KAZN: variants seen among roughly 807,000 people sequenced by gnomAD.
KAZN encodes kazrin.
A neutral mutation model predicts 87.4 loss-of-function variants in KAZN; 40 were observed. The observed-to-expected ratio is 0.46, with a 90% CI of 0.36 to 0.60. KAZN has a LOEUF of 0.60. Ranked by LOEUF, KAZN falls within the 20% of genes least tolerant of loss-of-function variation. The probability of loss-of-function intolerance (pLI) is 0.00; values close to 1 mark genes in which losing one functional copy is unlikely to be tolerated. For missense variants in KAZN, 898 were observed against 1,073.9 expected (o/e 0.84, Z 2.29); for synonymous variants, 466 against 458.3 (o/e 1.02, Z -0.22).
intron 1 of KAZN, among the ~76,000 whole-genome samples, chr1:13,906,929 G>T (rs1317480462): frequency 6.6e-6 from 1 of 152,208 alleles, no homozygotes; most frequent in Non-Finnish European, 1.5e-5. Context: ...TGTCATGCTT[G>T]TTGGGATTCT....
At chr1:14,603,978 G>A (rs2148605876) in intron 1 of KAZN, among the ~76,000 whole-genome samples, 1 of 152,206 alleles carries the variant, frequency 6.6e-6, no homozygotes, top group Non-Finnish European at 1.5e-5. Context: ...TCATTCCTGG[G>A]CTATGTAGGT....
At position 14,502,469 on chromosome 1, in the gene KAZN, G is replaced by A. The variant is rs551188619; in HGVS notation, c.250-96514G>A. On this transcript the variant is annotated intron_variant, in intron 2 of 16. Coordinates refer to the KAZN transcript ENST00000636203. ...ATTCTCAATTTCTGGGTTTTTTTAG[G>A]TCATCTCTTGCAGGGTAAGGGCAGG... is the stretch of plus-strand genomic sequence containing the variant. Among the ~76,000 whole-genome samples, 26 of 152,180 alleles carry A rather than the reference G, an allele frequency of 1.7e-4. No homozygotes were observed. The South Asian group carries it at 5.2e-3, about 30-fold the overall frequency.
chr1:14,850,852 A>C (rs1649348745), intron 1 of KAZN, among the ~76,000 whole-genome samples: 1 of 152,164 alleles, frequency 6.6e-6, no homozygotes, highest in Admixed American at 6.5e-5. Context: ...GTACCTCCCT[A>C]AGCCCCAGAC....
At chr1:14,171,931 A>G (rs1166465199) in intron 1 of KAZN, among the ~76,000 whole-genome samples, 3 of 152,136 alleles carry the variant, frequency 2.0e-5, no homozygotes, top group Non-Finnish European at 4.4e-5. Flanking sequence ...TGTATCTTCT[A>G]TTTTTGCTAA....
At chr1:15,031,411 A>G (rs1291410877) in intron 2 of KAZN, among the ~76,000 whole-genome samples, 6 of 152,218 alleles carry the variant, frequency 3.9e-5, no homozygotes, top group African/African-American at 1.4e-4. Context: ...ACGGAGTGCT[A>G]GGGGTCTGGG....
At chr1:14,527,787 G>A (rs1164965775) in intron 2 of KAZN, among the ~76,000 whole-genome samples, 2 of 152,080 alleles carry the variant, frequency 1.3e-5, no homozygotes, top group African/African-American at 4.8e-5. Context: ...AATAGAGTGA[G>A]AACTCCCTCA....
intron 2 of KAZN, among the ~76,000 whole-genome samples, chr1:14,234,879 C>T (rs1648254927): frequency 6.6e-6 from 1 of 152,242 alleles, no homozygotes; most frequent in African/African-American, 2.4e-5. Context: ...AATTCCACTG[C>T]TGCAATTCTA....
At chr1:14,917,880 T>G (rs1484937128) in intron 1 of KAZN, among the ~76,000 whole-genome samples, 1 of 151,992 alleles carries the variant, frequency 6.6e-6, no homozygotes, top group African/African-American at 2.4e-5. Flanking sequence ...CTTTCTTTCT[T>G]TCTTTCTTTC....
chr1:15,054,723 C>T (rs184638733), intron 4 of KAZN, among the ~76,000 whole-genome samples: 1 of 152,272 alleles, frequency 6.6e-6, no homozygotes, highest in East Asian at 1.9e-4. Context: ...CCGTTTTTCT[C>T]CCCAAAAGAA....
intron 1 of KAZN, among the ~76,000 whole-genome samples, chr1:13,936,111 T>TTTTTTTTTTTTTG (rs1640730209): frequency 6.9e-6 from 1 of 145,006 alleles, no homozygotes; most frequent in Admixed American, 7.0e-5. Context: ...TTTTTTTTTT[T>TTTTTTTTTTTTTG]GAGACAGAGT....
At chr1:14,410,824 G>A (rs926557344) in intron 2 of KAZN, among the ~76,000 whole-genome samples, 11 of 152,306 alleles carry the variant, frequency 7.2e-5, no homozygotes, top group East Asian at 3.9e-4. Context: ...ACCAGAACCC[G>A]AAAGAGGCCA....
At chr1:14,454,677 T>G (rs1443324850) in intron 2 of KAZN, among the ~76,000 whole-genome samples, 1 of 152,146 alleles carries the variant, frequency 6.6e-6, no homozygotes, top group Non-Finnish European at 1.5e-5. Context: ...GCATATACAT[T>G]ATTGAGGATA....
chr1:14,123,975 G>T (rs1644806185), intron 1 of KAZN, among the ~76,000 whole-genome samples: 1 of 152,078 alleles, frequency 6.6e-6, no homozygotes, highest in Non-Finnish European at 1.5e-5. Context: ...CCCCTCGGAG[G>T]CTCCTTCCCA....
chr1:14,456,467 T>C (rs1336057318), intron 2 of KAZN, among the ~76,000 whole-genome samples: 1 of 152,198 alleles, frequency 6.6e-6, no homozygotes, highest in African/African-American at 2.4e-5. Flanking sequence ...ATACCTGTTC[T>C]TACAAGATAT....
At chr1:14,462,296 G>A (rs940096430) in intron 2 of KAZN, among the ~76,000 whole-genome samples, 12 of 151,952 alleles carry the variant, frequency 7.9e-5, no homozygotes, top group African/African-American at 2.9e-4. Context: ...GTTTACACAG[G>A]GAGCCCCTAG....
At chr1:14,689,103 G>A (rs1483789656) in intron 1 of KAZN, among the ~76,000 whole-genome samples, 1 of 152,142 alleles carries the variant, frequency 6.6e-6, no homozygotes, top group Non-Finnish European at 1.5e-5. Context: ...GCTCAGGCAC[G>A]AGAATCCCTT....
chr1:14,661,452 A>G (rs954696680), intron 1 of KAZN, among the ~76,000 whole-genome samples: 2 of 152,154 alleles, frequency 1.3e-5, no homozygotes, highest in Non-Finnish European at 2.9e-5. Context: ...TTTGAGCAAC[A>G]TATGGTCTCT....
intron 2 of KAZN, among the ~76,000 whole-genome samples, chr1:14,374,048 A>G (rs757409260): frequency 2.4e-4 from 37 of 152,322 alleles, no homozygotes; most frequent in Admixed American, 4.6e-4. Flanking sequence ...CATGTCCATC[A>G]GTAGTTGGAG....
At chr1:14,933,086 G>A (rs780515411) in intron 1 of KAZN, among the ~76,000 whole-genome samples, 4 of 152,072 alleles carry the variant, frequency 2.6e-5, no homozygotes, top group Non-Finnish European at 4.4e-5. Flanking sequence ...GCAGGGTTCT[G>A]CACTATTTAT....
Sources: allele counts gnomAD v4.1 joint callset (sites outside exome capture counted in the v4.1 genomes callset), GRCh38; gene constraint gnomAD v4.1.1; transcripts MANE v1.5; gene names NCBI Gene and HGNC (gene_info 2026-07-23, HGNC 2026-07-21).